TENM2: variants seen among roughly 807,000 people sequenced by gnomAD.
TENM2 encodes teneurin transmembrane protein 2, also known as teneurin-2.
A neutral mutation model predicts 245.2 loss-of-function variants in TENM2; 52 were observed. That is an observed-to-expected ratio of 0.21 (90% CI 0.17 to 0.27). The LOEUF is 0.27. Among genes scored for constraint, TENM2 ranks in the 10% least tolerant of loss-of-function variants. The probability of loss-of-function intolerance (pLI) is 1.00; values close to 1 mark genes in which losing one functional copy is unlikely to be tolerated. For missense variants in TENM2, 3,046 were observed against 3,666.8 expected (o/e 0.83, Z 4.37); for synonymous variants, 1,363 against 1,438.9 (o/e 0.95, Z 1.19).
At chr5:167,738,216 G>C (rs1760934865) in intron 2 of TENM2, among the ~76,000 whole-genome samples, 1 of 152,214 alleles carries the variant, frequency 6.6e-6, no homozygotes, top group African/African-American at 2.4e-5. Flanking sequence ...TAGCACGGTG[G>C]AAGTTTCTGG....
In TENM2 at chr5:167,545,497, T is replaced by A. The variant is rs187241388; in HGVS notation, c.502+170024T>A. Among the ~76,000 whole-genome samples, 168 of 152,306 alleles carry A rather than the reference T, an allele frequency of 1.1e-3. 2 individuals are homozygous for A. In the East Asian group the frequency reaches 0.03, roughly 27 times the overall value. On this transcript the variant is annotated intron_variant, in intron 2 of 28. Coordinates refer to ENST00000518659, the Ensembl canonical transcript of TENM2. ...GAATCTTGCTAGATAAACATGTTTT[T>A]TAAAAGATTTAATTGTCACGGCTCC... is the stretch of plus-strand genomic sequence containing the variant.
chr5:167,642,760 CAG>C (rs1480394042), intron 2 of TENM2, among the ~76,000 whole-genome samples: 1 of 152,172 alleles, frequency 6.6e-6, no homozygotes, highest in Admixed American at 6.5e-5. Context: ...TCAGTGAACT[CAG>C]AGAAGAAATT....
chr5:168,122,919 T>G (rs917084419), intron 10 of TENM2, among the ~76,000 whole-genome samples: 4 of 152,172 alleles, frequency 2.6e-5, no homozygotes, highest in Non-Finnish European at 5.9e-5. Flanking sequence ...ATTTCTCAAG[T>G]CTGTTGTCCC....
chr5:167,125,516 G>A, the TENM2 span, among the ~76,000 whole-genome samples: 2 of 152,168 alleles, frequency 1.3e-5, no homozygotes, highest in Non-Finnish European at 2.9e-5. Flanking sequence ...CCCTTATAGA[G>A]CCTATTTAAC....
intron 3 of TENM2, among the ~76,000 whole-genome samples, chr5:167,946,025 G>T (rs890110760): frequency 3.3e-5 from 5 of 152,184 alleles, no homozygotes; most frequent in African/African-American, 9.7e-5. Context: ...CTGCAGACAG[G>T]CCACCTGCCC....
intron 2 of TENM2, among the ~76,000 whole-genome samples, chr5:167,811,395 T>C (rs1209319060): frequency 1.3e-5 from 2 of 152,034 alleles, no homozygotes; most frequent in Non-Finnish European, 2.9e-5. Context: ...CTCTCTCTCT[T>C]GCTCCTGACC....
chr5:167,373,131 GA>G (rs2127303177), intron 1 of TENM2, among the ~76,000 whole-genome samples: 1 of 152,318 alleles, frequency 6.6e-6, no homozygotes, highest in East Asian at 1.9e-4. Context: ...TCATTCTGAA[GA>G]GACAATTATG....
chr5:167,186,854 C>G, the TENM2 span, among the ~76,000 whole-genome samples: 3 of 152,172 alleles, frequency 2.0e-5, no homozygotes, highest in Non-Finnish European at 4.4e-5. Flanking sequence ...GCCAATCTGC[C>G]TTACAATGGT....
the TENM2 span, among the ~76,000 whole-genome samples, chr5:167,196,213 A>G: frequency 6.6e-6 from 1 of 152,170 alleles, no homozygotes; most frequent in African/African-American, 2.4e-5. Context: ...GTTTCTAAAC[A>G]TATAAACATA....
At chr5:167,851,753 G>A (rs887483160) in intron 2 of TENM2, among the ~76,000 whole-genome samples, 1 of 152,174 alleles carries the variant, frequency 6.6e-6, no homozygotes, top group East Asian at 1.9e-4. Context: ...TCTTGTTTGG[G>A]AGGAAGATGG....
At chr5:167,981,101 G>T (rs1404821349) in intron 4 of TENM2, among the ~76,000 whole-genome samples, 1 of 152,200 alleles carries the variant, frequency 6.6e-6, no homozygotes, top group East Asian at 1.9e-4. Flanking sequence ...TGAAGGCCCA[G>T]CCTCCTTTGC....
At chr5:167,638,820 A>G (rs1415422102) in intron 2 of TENM2, among the ~76,000 whole-genome samples, 4 of 152,198 alleles carry the variant, frequency 2.6e-5, no homozygotes, top group African/African-American at 9.6e-5. Context: ...ATCAAAAATG[A>G]GCAGATCCAC....
chr5:168,018,978 G>A lies in TENM2; in HGVS notation c.1186+25796G>A, dbSNP rs78450875. Among the ~76,000 whole-genome samples, 278 of 152,292 alleles carry A rather than the reference G, an allele frequency of 1.8e-3. 1 individual carries two copies. Among genetic ancestry groups the A allele is most frequent in the African/African-American group, 6.3e-3 (261 of 41,560 alleles). On this transcript the variant is annotated intron_variant, in intron 5 of 28. Transcript: ENST00000518659. ...AGTGAGCACGGGGAGAAGAAAAGGA[G>A]TCGTCTGTCTGTTGGTATCAGAGAG...
At chr5:167,889,437 C>T (rs1774561297) in intron 3 of TENM2, among the ~76,000 whole-genome samples, 1 of 152,146 alleles carries the variant, frequency 6.6e-6, no homozygotes, top group Non-Finnish European at 1.5e-5. Context: ...GATTGGATAC[C>T]GTGTTTTCTT....
At chr5:167,697,209 A>G (rs1208561108) in intron 2 of TENM2, among the ~76,000 whole-genome samples, 3 of 152,152 alleles carry the variant, frequency 2.0e-5, no homozygotes, top group African/African-American at 7.2e-5. Context: ...AGGCTGCTCC[A>G]TCTGGAACAC....
chr5:167,632,529 ACATAAGT>A (rs145082243), intron 2 of TENM2, among the ~76,000 whole-genome samples: 2,229 of 152,314 alleles, frequency 0.015, 53 homozygotes, highest in African/African-American at 0.051. Context: ...CAGTTGAGAG[ACATAAGT>A]CAATTGTGAA....
intron 4 of TENM2, among the ~76,000 whole-genome samples, chr5:167,959,626 C>T (rs1429459712): frequency 6.6e-6 from 1 of 152,086 alleles, no homozygotes; most frequent in Non-Finnish European, 1.5e-5. Context: ...TTGTTAGCTT[C>T]CTTGCATTGG....
intron 5 of TENM2, among the ~76,000 whole-genome samples, chr5:168,018,398 CT>C (rs34273332): frequency 3.0e-5 from 4 of 132,016 alleles, no homozygotes; most frequent in Admixed American, 1.5e-4. Flanking sequence ...TTTCCTCTTT[CT>C]TTTTTTTTCA....
In TENM2 at chr5:168,158,854, C is replaced by T. The variant is rs1433338698; in HGVS notation, c.2423-3757C>T. On this transcript the variant is annotated intron_variant, in intron 12 of 28. Transcript: ENST00000518659. ...GTATATATATATATATATATATACA[C>T]ACACACACACACACATATATATGTA... is the stretch of plus-strand genomic sequence containing the variant. 3.8e-3 allele frequency among the ~76,000 whole-genome samples: 297 copies of T among 78,034 alleles called. 3 individuals are homozygous for T. The highest frequency in any genetic ancestry group is 7.2e-3 in the African/African-American group (161 of 22,314). 51.2% of individuals were successfully genotyped at this position (78,034 alleles called of 152,430 possible). A position where few individuals can be genotyped will look rare whatever the true frequency, so the allele number is the denominator to read the frequency against.
Sources: allele counts gnomAD v4.1 joint callset (sites outside exome capture counted in the v4.1 genomes callset), GRCh38; gene constraint gnomAD v4.1.1; transcripts MANE v1.5; gene names NCBI Gene and HGNC (gene_info 2026-07-23, HGNC 2026-07-21).